The following SYNE3 variants were observed in gnomAD, a reference collection of about 807,000 sequenced individuals.
SYNE3 encodes the protein nesprin-3.
SYNE3 carries 100 observed loss-of-function variants against 111.2 expected under a neutral mutation model. The observed-to-expected ratio is 0.90, with a 90% confidence interval of 0.77 to 1.06. The LOEUF is 1.06. SYNE3 is among the 50% of genes least tolerant of loss of function. The pLI, the probability that SYNE3 is intolerant of heterozygous loss-of-function variation, is 0.00. For synonymous variants in SYNE3, 547 were observed against 533.9 expected (o/e 1.02, Z -0.34); for missense variants, 1,160 against 1,240.3 (o/e 0.94, Z 0.97).
chr14:95,460,560 C>A (rs1018987784), intron 4 of SYNE3, among the ~76,000 whole-genome samples: 8 of 152,176 alleles, frequency 5.3e-5, no homozygotes, highest in Admixed American at 6.5e-5. Context: ...AAATGGCTTA[C>A]AACTGGAATC....
chr14:95,409,825 T>C lies in SYNE3; in HGVS notation c.*8001A>G, dbSNP rs780917938. 5.3e-6 allele frequency: 1 copy of C among 187,594 alleles called. No individual in the cohort carries two copies. Among genetic ancestry groups the C allele is most frequent in the African/African-American group, 2.4e-5 (1 of 42,474 alleles). The allele number at this position is 187,594 out of a possible 1,614,324, so 11.6% of individuals were successfully genotyped here. On this transcript the variant is annotated 3_prime_UTR_variant, in exon 18 of 18. Coordinates refer to ENST00000682763, the MANE Select transcript of SYNE3 (RefSeq NM_152592.6). ...CAGCCTGCAGGCACTGGCAATTGGG[T>C]GATGAGGGCCACCTGTGGGGTGCCC...
At chr14:95,430,698 C>T (rs1389593994) in intron 17 of SYNE3, among the ~76,000 whole-genome samples, 1 of 152,072 alleles carries the variant, frequency 6.6e-6, no homozygotes, top group Non-Finnish European at 1.5e-5. Flanking sequence ...GTAGCGCATG[C>T]CTGTAATCCC....
chr14:95,506,439 G>A (rs923371178), intron 1 of SYNE3, among the ~76,000 whole-genome samples: 3 of 152,252 alleles, frequency 2.0e-5, no homozygotes, highest in African/African-American at 7.2e-5. Context: ...GTGCACACGG[G>A]CGCAGGCTTG....
At chr14:95,465,893 G>A in intron 4 of SYNE3, 38 bp downstream of exon 4, 1 of 1,532,810 alleles carries the variant, frequency 6.5e-7, no homozygotes, top group South Asian at 1.3e-5. Flanking sequence ...TACATGGATG[G>A]GTGGGTGAGG....
intron 1 of SYNE3, among the ~76,000 whole-genome samples, chr14:95,494,526 C>G (rs1379834096): frequency 6.6e-6 from 1 of 152,148 alleles, no homozygotes; most frequent in African/African-American, 2.4e-5. Context: ...GGAGGCCATA[C>G]TGGAGAGCAG....
rs758419026 is a variant in SYNE3, at chr14:95,439,034, C to A, written c.2375G>T (p.Arg792Leu). Residue 792 changes from arginine (R) to leucine (L), a missense_variant and splice_region_variant, in exon 14 of 18, where the codon CGC (arginine) becomes CTC (leucine). Arg to Leu is a moderately radical substitution (Grantham distance 102, BLOSUM62 -2). Coordinates refer to ENST00000682763, the MANE Select transcript of SYNE3 (RefSeq NM_152592.6). Reference sequence around the variant, plus strand: ...CACAGCCCTGCTAGACAGACTCACGCGTCGACGATGCCTGGGAATAGGATC... The same window carrying A: ...CACAGCCCTGCTAGACAGACTCACGAGTCGACGATGCCTGGGAATAGGATC... Reference protein sequence around the residue: ...PMDPIPRHRRRANLLQEEEGS... With the variant: ...PMDPIPRHRRLANLLQEEEGS... 1.2e-6 allele frequency: 2 copies of A among 1,614,050 alleles called. No individual in the cohort carries two copies. Among genetic ancestry groups the A allele is most frequent in the South Asian group, 1.1e-5 (1 of 91,078 alleles).
At chr14:95,460,081 G>C (rs973240785) in intron 4 of SYNE3, among the ~76,000 whole-genome samples, 6 of 152,212 alleles carry the variant, frequency 3.9e-5, no homozygotes, top group African/African-American at 1.4e-4. Flanking sequence ...TACCTCACCT[G>C]ACAGAACAAG....
intron 16 of SYNE3, among the ~76,000 whole-genome samples, chr14:95,432,425 CTGGGGCGCCCAGCT>C (rs1885830370): frequency 6.6e-6 from 1 of 152,158 alleles, no homozygotes; most frequent in Non-Finnish European, 1.5e-5. Context: ...CCAGGAAAGC[CTGGGGCGCCCAGCT>C]TGGGGCTGGG....
At chr14:95,482,122 A>G (rs1889296402) in intron 1 of SYNE3, among the ~76,000 whole-genome samples, 1 of 151,974 alleles carries the variant, frequency 6.6e-6, no homozygotes, top group South Asian at 2.1e-4. Flanking sequence ...TCCCTCCAAC[A>G]CCCTAACAGC....
chr14:95,419,727 T>A (rs1209598580), intron 17 of SYNE3, among the ~76,000 whole-genome samples: 1 of 93,032 alleles, frequency 1.1e-5, no homozygotes, highest in Non-Finnish European at 2.1e-5. Context: ...GGGGGTGGGG[T>A]GGTGAGAGTA....
chr14:95,505,811 G>C (rs552283657), intron 1 of SYNE3, among the ~76,000 whole-genome samples: 2 of 152,246 alleles, frequency 1.3e-5, no homozygotes, highest in Admixed American at 6.5e-5. Context: ...TACACCTGGG[G>C]CCTGCTCATG....
chr14:95,487,748 C>T (rs1889620578), intron 1 of SYNE3, among the ~76,000 whole-genome samples: 1 of 152,156 alleles, frequency 6.6e-6, no homozygotes, highest in African/African-American at 2.4e-5. Flanking sequence ...TGCTGACTGT[C>T]GTTGTAGATT....
Position 95,415,402 on chromosome 14 carries a change from G to C in SYNE3, c.*2424C>G, listed in dbSNP as rs1024972072. The C allele has an allele frequency of 6.6e-6, 1 of 152,014 alleles. No homozygotes were observed. The highest frequency in any genetic ancestry group is 2.4e-5 in the African/African-American group (1 of 41,372). The allele number at this position is 152,014 out of a possible 1,614,324, so 9.4% of individuals were successfully genotyped here. A position where few individuals can be genotyped will look rare whatever the true frequency, so the allele number is the denominator to read the frequency against. On this transcript the variant is annotated 3_prime_UTR_variant, in exon 18 of 18. Transcript: ENST00000682763. ...GTCGCCTGCAGAGAACGGCCCTATGGCTTGGTTTCCAGATATCTGGAGAAA... is the reference window on the plus strand; with the variant it reads ...GTCGCCTGCAGAGAACGGCCCTATGCCTTGGTTTCCAGATATCTGGAGAAA...
At chr14:95,495,228 C>T (rs1238476871) in intron 1 of SYNE3, among the ~76,000 whole-genome samples, 1 of 152,250 alleles carries the variant, frequency 6.6e-6, no homozygotes, top group African/African-American at 2.4e-5. Context: ...TGAGAGCAGC[C>T]TCCATTCCTT....
chr14:95,440,056 C>T lies in SYNE3; in HGVS notation c.1931G>A (p.Arg644Gln), dbSNP rs761524122. 29 of 1,605,424 alleles carry T rather than the reference C, an allele frequency of 1.8e-5. No individual in the cohort carries two copies. The highest frequency in any genetic ancestry group is 2.4e-5 in the Non-Finnish European group (28 of 1,179,432). Reference protein sequence around the residue: ...RSLEDLVDRCRQSVQEHCTFS... With the variant: ...RSLEDLVDRCQQSVQEHCTFS... ...GGTGCAGTGCTCCTGCACACTCTGC[C>T]GACACCTGTCCACAAGGTCCTGCAG... is the stretch of plus-strand genomic sequence containing the variant. Residue 644 changes from arginine to glutamine, a missense_variant, in exon 12 of 18, where the codon CGG becomes CAG. Physicochemically the swap from Arg to Gln is conservative, Grantham distance 43 (BLOSUM62 1). Coordinates refer to ENST00000682763, the MANE Select transcript of SYNE3 (RefSeq NM_152592.6).
At chr14:95,487,973 C>T (rs755652323) in intron 1 of SYNE3, among the ~76,000 whole-genome samples, 1 of 152,066 alleles carries the variant, frequency 6.6e-6, no homozygotes, top group Non-Finnish European at 1.5e-5. Flanking sequence ...GGATGAAGAA[C>T]TTTATGATGA....
In SYNE3 at chr14:95,443,214, G is replaced by C. The variant is rs770496775; in HGVS notation, c.1852C>G (p.His618Asp). Residue 618 changes from histidine (H) to aspartate (D), a missense_variant, in exon 11 of 18, where the codon CAC (histidine) becomes GAC (aspartate). Transcript: ENST00000682763. ...GAAAGCTGGTCCATTTTGTGCTGGT[G>C]GTTGGGGTTCTCCTGGACCAGAGGC... ...ARPLVQENPN[H>D]QHKMDQLSSD... The C allele has an allele frequency of 1.9e-6, 3 of 1,614,100 alleles. No homozygotes were observed. Among genetic ancestry groups the C allele is most frequent in the South Asian group, 2.2e-5 (2 of 91,084 alleles).
At chr14:95,482,080 C>T (rs1169026754) in intron 1 of SYNE3, among the ~76,000 whole-genome samples, 3 of 152,208 alleles carry the variant, frequency 2.0e-5, no homozygotes, top group African/African-American at 7.2e-5. Context: ...GGCTGATGCC[C>T]CATAAGGACC....
chr14:95,497,063 A>G lies in SYNE3; in HGVS notation c.-15+19533T>C, dbSNP rs374532467. Among the ~76,000 whole-genome samples the G allele has an allele frequency of 1.2e-4, 19 of 152,366 alleles. No individual in the cohort carries two copies. The South Asian group carries it at 3.3e-3, about 27-fold the overall frequency. ...GGCCCGAGCTGGAAGATTAGGGCCA[A>G]TTCAAATCTGGATGGTGTGAGGCTC... is the stretch of plus-strand genomic sequence containing the variant. On this transcript the variant is annotated intron_variant, in intron 1 of 17. Transcript: ENST00000682763.
Sources: gnomAD v4.1 joint callset for allele counts (sites outside exome capture counted in the v4.1 genomes callset) on GRCh38, gnomAD v4.1.1 for gene constraint, MANE v1.5 for transcripts, NCBI Gene and HGNC (gene_info 2026-07-23, HGNC 2026-07-21) for gene names.